The following DMD variants were observed in gnomAD, a reference collection of about 807,000 sequenced individuals.
DMD encodes dystrophin, also known as mutant dystrophin.
Under a neutral mutation model 330.1 loss-of-function variants are expected in DMD, and 63 were observed. That is an observed-to-expected ratio of 0.19 (90% CI 0.16 to 0.24). The LOEUF is 0.24. Among genes scored for constraint, DMD ranks in the 10% least tolerant of loss-of-function variants. The probability of loss-of-function intolerance (pLI) is 1.00; values close to 1 mark genes in which losing one functional copy is unlikely to be tolerated. For missense variants in DMD, 3,344 were observed against 2,684.1 expected, an observed-to-expected ratio of 1.25 and a Z score of -5.43; for synonymous variants, 1,223 against 959.8, an observed-to-expected ratio of 1.27 and a Z score of -5.07.
chrX:31,461,075 G>A (rs763353047), intron 59 of DMD, among the ~76,000 whole-genome samples: 1 of 111,342 alleles, frequency 9.0e-6, no homozygotes, highest in Non-Finnish European at 1.9e-5. Flanking sequence ...GTTCCTAAGC[G>A]AAACAATGCT....
At chrX:33,184,307 C>T (rs779146239) in intron 1 of DMD, among the ~76,000 whole-genome samples, 2 of 111,811 alleles carry the variant, frequency 1.8e-5, no homozygotes, top group East Asian at 5.6e-4. Context: ...TCAGGTATTG[C>T]TATCAAAACA....
chrX:32,293,409 C>A (rs764801524), intron 42 of DMD, among the ~76,000 whole-genome samples: 5 of 110,964 alleles, frequency 4.5e-5, no homozygotes, highest in Non-Finnish European at 9.4e-5. Context: ...AGTCATCAGA[C>A]CCAGGAAGAG....
Position 32,754,768 on chromosome X carries a change from T to TGTTAA in DMD, c.649+54724_649+54725insTTAAC, listed in dbSNP as rs200588271. The stretch of plus-strand genomic sequence containing the variant: ...AATTTATACTCAATAGCATTTATAC[T>TGTTAA]GTTATAGAAATGATGCAATATACAA... On this transcript the variant is annotated intron_variant, in intron 7 of 78. Coordinates refer to ENST00000357033, the MANE Select transcript of DMD (RefSeq NM_004006.3). 4.0e-3 allele frequency among the ~76,000 whole-genome samples: 447 copies of TGTTAA among 111,870 alleles called. 5 individuals carry two copies. The highest frequency in any genetic ancestry group is 0.027 in the Admixed American group (283 of 10,481).
chrX:33,284,376 T>C (rs2053394384), intron 1 of DMD, among the ~76,000 whole-genome samples: 1 of 111,268 alleles, frequency 9.0e-6, no homozygotes, highest in Non-Finnish European at 1.9e-5. Context: ...GACATAACAG[T>C]GCATAGCCAA....
intron 9 of DMD, among the ~76,000 whole-genome samples, chrX:32,691,940 A>T (rs1002888867): frequency 8.1e-5 from 9 of 111,641 alleles, no homozygotes; most frequent in African/African-American, 2.9e-4. Context: ...TACTTATAAG[A>T]GGTATGTAAA....
intron 51 of DMD, among the ~76,000 whole-genome samples, chrX:31,752,677 T>G (rs1412920330): frequency 9.0e-6 from 1 of 111,298 alleles, no homozygotes; most frequent in East Asian, 2.8e-4. Context: ...CTATAAGAAT[T>G]TCAGATAAAG....
chrX:33,134,185 C>T lies in DMD; in HGVS notation c.31+77097G>A, dbSNP rs73455861. Among the ~76,000 whole-genome samples the T allele has an allele frequency of 6.4e-3, 710 of 111,732 alleles. 7 individuals carry two copies. Among genetic ancestry groups the T allele is most frequent in the African/African-American group, 0.022 (679 of 30,787 alleles). ...ATTTTACCCAGCCTCCTTCATCAAA[C>T]AGAGCTCAGAACTCCCCTCCGTTAG... On this transcript the variant is annotated intron_variant, in intron 1 of 78. Transcript: ENST00000357033.
chrX:32,682,271 C>A (rs1225647065), intron 9 of DMD, among the ~76,000 whole-genome samples: 1 of 111,393 alleles, frequency 9.0e-6, no homozygotes, highest in African/African-American at 3.3e-5. Flanking sequence ...CAAGACCCAT[C>A]GATTAGAATT....
chrX:33,089,907 AT>A (rs2095062125), intron 1 of DMD, among the ~76,000 whole-genome samples: 1 of 111,529 alleles, frequency 9.0e-6, no homozygotes, highest in Admixed American at 9.6e-5. Flanking sequence ...GATTTCACAA[AT>A]TAAGGAGAAG....
intron 44 of DMD, among the ~76,000 whole-genome samples, chrX:32,053,334 G>A (rs567543093): frequency 1.9e-5 from 2 of 104,917 alleles, no homozygotes; most frequent in Non-Finnish European, 3.9e-5. Flanking sequence ...AAGTTATCTC[G>A]TAAAGTATGC....
chrX:31,872,548 C>G (rs2093908907), intron 48 of DMD, among the ~76,000 whole-genome samples: 1 of 111,067 alleles, frequency 9.0e-6, no homozygotes, highest in Non-Finnish European at 1.9e-5. Flanking sequence ...TAAATGTGTT[C>G]CAGGAAGAGA....
rs1343502927 is a variant in DMD, at chrX:32,310,231, G to A, written c.5968C>T (p.Pro1990Ser). ...ETMMVMTEDMPLEISYVPSTY... is the reference protein window; with the variant it reads ...ETMMVMTEDMSLEISYVPSTY... ...GAAGGCACATAAGAAATTTCCAAAG[G>A]CATGTCTTCAGTCATCACCATCATC... is the stretch of plus-strand genomic sequence containing the variant. The change falls in exon 42 of 79, where the codon CCT (proline) becomes TCT (serine). Residue 1990 changes from proline to serine, a missense_variant. Coordinates refer to ENST00000357033, the MANE Select transcript of DMD (RefSeq NM_004006.3). 1.2e-5 allele frequency: 14 copies of A among 1,207,225 alleles called. No individual in the cohort carries two copies. Among genetic ancestry groups the A allele is most frequent in the African/African-American group, 1.8e-5 (1 of 56,989 alleles).
chrX:33,062,233 T>G (rs984829954), intron 1 of DMD, among the ~76,000 whole-genome samples: 1 of 111,730 alleles, frequency 9.0e-6, no homozygotes, highest in African/African-American at 3.2e-5. Context: ...AACTCTGAAT[T>G]TGGGAGTCTG....
chrX:33,163,881 G>A (rs1455073513), intron 1 of DMD, among the ~76,000 whole-genome samples: 1 of 110,656 alleles, frequency 9.0e-6, no homozygotes, highest in Non-Finnish European at 1.9e-5. Flanking sequence ...GCTACCCACA[G>A]CCAATCTGTT....
chrX:32,770,653 A>G (rs2073503900), intron 7 of DMD, among the ~76,000 whole-genome samples: 1 of 112,116 alleles, frequency 8.9e-6, no homozygotes, highest in South Asian at 3.6e-4. Flanking sequence ...TACAGATTCT[A>G]TTAGTAATTT....
intron 1 of DMD, among the ~76,000 whole-genome samples, chrX:33,225,661 AGTTCTTAGATTTGAC>A (rs2052272417): frequency 9.0e-6 from 1 of 111,566 alleles, no homozygotes; most frequent in Admixed American, 9.6e-5. Flanking sequence ...GGCTAGGAGG[AGTTCTTAGATTTGAC>A]GTTAAAATCG....
At chrX:32,912,664 G>A (rs1413631345) in intron 2 of DMD, among the ~76,000 whole-genome samples, 1 of 111,804 alleles carries the variant, frequency 8.9e-6, no homozygotes, top group Non-Finnish European at 1.9e-5. Flanking sequence ...AAGAATAAAT[G>A]CAATATGATT....
At chrX:31,555,555 C>A (rs1365451082) in intron 55 of DMD, among the ~76,000 whole-genome samples, 1 of 111,971 alleles carries the variant, frequency 8.9e-6, no homozygotes, top group Non-Finnish European at 1.9e-5. Flanking sequence ...CCTATTCCAG[C>A]ACCGTAAGTC....
intron 63 of DMD, among the ~76,000 whole-genome samples, chrX:31,228,495 G>A (rs2046895458): frequency 9.0e-6 from 1 of 111,528 alleles, no homozygotes; most frequent in African/African-American, 3.3e-5. Context: ...ACAGCTGGAA[G>A]AGATAAGTCT....
Sources: allele counts gnomAD v4.1 joint callset (sites outside exome capture counted in the v4.1 genomes callset), GRCh38; gene constraint gnomAD v4.1.1; transcripts MANE v1.5; gene names NCBI Gene and HGNC (gene_info 2026-07-23, HGNC 2026-07-21).